The following TANC2 variants were observed in gnomAD, a reference collection of about 807,000 sequenced individuals.
TANC2 encodes the protein protein TANC2.
TANC2 carries 26 observed loss-of-function variants against 210.5 expected under a neutral mutation model. That is an observed-to-expected ratio of 0.12 (90% CI 0.09 to 0.17). The LOEUF (loss-of-function observed/expected upper bound fraction) is 0.17, where lower values mean the gene tolerates loss of function less well. Ranked by LOEUF, TANC2 falls within the 10% of genes least tolerant of loss-of-function variation. The pLI is 1.00. For missense variants in TANC2, 2,129 were observed against 2,608.9 expected (o/e 0.82, Z 4.01); for synonymous variants, 931 against 967.1 (o/e 0.96, Z 0.69).
At chr17:63,317,386 TC>T (rs2045349804) in intron 10 of TANC2, among the ~76,000 whole-genome samples, 1 of 150,420 alleles carries the variant, frequency 6.6e-6, no homozygotes, top group African/African-American at 2.5e-5. Context: ...CATCCTGCTT[TC>T]CACCTACTCT....
intron 4 of TANC2, among the ~76,000 whole-genome samples, chr17:63,138,680 AT>A (rs36121556): frequency 6.6e-6 from 1 of 151,996 alleles, no homozygotes; most frequent in African/African-American, 2.4e-5. Flanking sequence ...TTTTTAAAAG[AT>A]TTTTCTTTCT....
At chr17:63,391,899 G>C (rs2047990045) in intron 17 of TANC2, 1 of 151,942 alleles carries the variant, frequency 6.6e-6, no homozygotes, top group Admixed American at 6.6e-5. Flanking sequence ...GCTAATTTTT[G>C]TATTTTTAGT....
intron 20 of TANC2, among the ~76,000 whole-genome samples, chr17:63,405,707 A>G (rs189202729): frequency 6.6e-6 from 1 of 152,352 alleles, no homozygotes; most frequent in African/African-American, 2.4e-5. Flanking sequence ...GCACACTGAT[A>G]ATAATCTTCA....
intron 3 of TANC2, among the ~76,000 whole-genome samples, chr17:63,095,013 T>A (rs975572862): frequency 2.6e-5 from 4 of 152,114 alleles, no homozygotes; most frequent in Non-Finnish European, 4.4e-5. Context: ...CTTTTTTTTT[T>A]AACTTCATGT....
In TANC2 at chr17:63,135,715, G is replaced by A. The variant is rs893343229; in HGVS notation, c.323-15555G>A. ...AATTTTAATGGAGTTATTTATCATA[G>A]CTACTTTAAAACTCAGAAGTTGGTC... On this transcript the variant is annotated intron_variant, in intron 4 of 27. Coordinates refer to ENST00000689528, the Ensembl canonical transcript of TANC2. Among the ~76,000 whole-genome samples the A allele has an allele frequency of 1.4e-4, 21 of 151,958 alleles. 1 individual carries two copies. The highest frequency in any genetic ancestry group is 9.8e-4 in the Admixed American group (15 of 15,258).
At chr17:63,231,224 C>T (rs988495472) in intron 7 of TANC2, among the ~76,000 whole-genome samples, 7 of 151,960 alleles carry the variant, frequency 4.6e-5, no homozygotes, top group Non-Finnish European at 7.4e-5. Flanking sequence ...GCTTGCCACT[C>T]TGTCTTTTAA....
intron 1 of TANC2, among the ~76,000 whole-genome samples, chr17:62,989,918 G>A (rs1328883069): frequency 3.3e-5 from 5 of 151,596 alleles, no homozygotes; most frequent in Admixed American, 6.6e-5. Flanking sequence ...CTACAGGTGC[G>A]CACCGCCACA....
chr17:62,973,266 G>A (rs1336178128), intron 1 of TANC2, among the ~76,000 whole-genome samples: 3 of 152,084 alleles, frequency 2.0e-5, no homozygotes, highest in South Asian at 2.1e-4. Flanking sequence ...TTCTGACCTC[G>A]AATGATCGGC....
At chr17:63,251,231 G>A (rs568985623) in intron 8 of TANC2, among the ~76,000 whole-genome samples, 2 of 152,298 alleles carry the variant, frequency 1.3e-5, no homozygotes, top group East Asian at 3.9e-4. Context: ...TGGTTGCTGA[G>A]AAGGAGAACC....
chr17:63,339,891 A>G (rs996452549), intron 11 of TANC2, among the ~76,000 whole-genome samples: 17 of 152,210 alleles, frequency 1.1e-4, no homozygotes, highest in African/African-American at 3.6e-4. Flanking sequence ...CAATAGAAGT[A>G]TCAAATTTCT....
chr17:63,363,261 C>A (rs912599185), intron 14 of TANC2, among the ~76,000 whole-genome samples: 3 of 151,854 alleles, frequency 2.0e-5, no homozygotes, highest in Admixed American at 1.3e-4. Flanking sequence ...GGTTATTAAT[C>A]CCTTGTCAAA....
chr17:63,408,961 G>T (rs1331549762), intron 21 of TANC2, among the ~76,000 whole-genome samples: 1 of 152,136 alleles, frequency 6.6e-6, no homozygotes, highest in Non-Finnish European at 1.5e-5. Context: ...TGGGTCTTAA[G>T]AACCAAATGT....
chr17:62,981,572 T>C (rs547509198), intron 1 of TANC2, among the ~76,000 whole-genome samples: 1 of 152,302 alleles, frequency 6.6e-6, no homozygotes, highest in African/African-American at 2.4e-5. Flanking sequence ...TGTTGTTGAC[T>C]GTATCTCCTG....
rs754859782 is a variant in TANC2, at chr17:63,421,210, G to T, written c.5480G>T (p.Gly1827Val). 7 of 1,613,862 alleles carry T rather than the reference G, an allele frequency of 4.3e-6. No individual in the cohort carries two copies. Among genetic ancestry groups the T allele is most frequent in the Non-Finnish European group, 5.1e-6 (6 of 1,179,890 alleles). Residue 1827 changes from glycine (G) to valine (V), a missense_variant, in exon 28 of 28, where the codon GGT becomes GTT. By Grantham distance (109) the Gly-to-Val change is moderately radical. Transcript: ENST00000689528. This position sits in a 1 kb window ranked among gnomAD's most constrained non-coding sequence, Gnocchi z 6.9. ...CTGGAGCGCTCCTCCAGCCAACTAG[G>T]TTCCCCTGATGTGTCGCATTTAATC...
chr17:63,161,093 C>A (rs1389271026), intron 5 of TANC2, among the ~76,000 whole-genome samples: 1 of 152,144 alleles, frequency 6.6e-6, no homozygotes, highest in Non-Finnish European at 1.5e-5. Flanking sequence ...GCAGTTGAAG[C>A]CTCATCCTTT....
rs2031325409 is a variant in TANC2 at position 62,966,274 on chromosome 17, G to C, written c.-499G>C. ...GCGGCCGGCGGGGCGCGGGTTGCTG[G>C]GCGCGCTGCTCCGGCGGGGCCCGCT... On this transcript the variant is annotated 5_prime_UTR_variant, in exon 1 of 28. Transcript: ENST00000689528. The surrounding 1 kb of genome is among the most constrained non-coding windows in gnomAD (Gnocchi z 5.1). Among the ~76,000 whole-genome samples, 1 of 146,040 alleles carries C rather than the reference G, an allele frequency of 6.8e-6. No homozygotes were observed. The highest frequency in any genetic ancestry group is 2.1e-4 in the South Asian group (1 of 4,808).
chr17:63,102,934 A>G (rs2037685074), intron 4 of TANC2, among the ~76,000 whole-genome samples: 2 of 152,172 alleles, frequency 1.3e-5, no homozygotes, highest in African/African-American at 4.8e-5. Context: ...AACTATTTGC[A>G]TGGCATTTAC....
At chr17:63,028,764 C>T (rs1166731917) in intron 2 of TANC2, among the ~76,000 whole-genome samples, 2 of 152,066 alleles carry the variant, frequency 1.3e-5, no homozygotes, top group Non-Finnish European at 2.9e-5. Context: ...GTAGCATATT[C>T]TGCCATCTTT....
At chr17:63,129,049 G>T (rs533904135) in intron 4 of TANC2, among the ~76,000 whole-genome samples, 20 of 152,132 alleles carry the variant, frequency 1.3e-4, no homozygotes, top group Admixed American at 1.0e-3. Context: ...CCAGGGTCTC[G>T]CTCTGTCACC....
Sources: gnomAD v4.1 joint callset for allele counts (sites outside exome capture counted in the v4.1 genomes callset) on GRCh38, gnomAD v4.1.1 for gene constraint, Gnocchi (gnomAD v3.1) non-coding constraint, MANE v1.5 for transcripts, NCBI Gene and HGNC (gene_info 2026-07-23, HGNC 2026-07-21) for gene names.